Variants in BEST3 observed in about 807,000 individuals in gnomAD.
The protein encoded by BEST3 is bestrophin-3.
BEST3 carries 50 observed loss-of-function variants against 47.1 expected under a neutral mutation model. The ratio of observed to expected loss-of-function variants is 1.06; its 90% CI spans 0.85 to 1.34. BEST3 has a LOEUF of 1.34. Among genes scored for constraint, BEST3 ranks in the 40% most tolerant of loss-of-function variants. The pLI is 0.00. For synonymous variants in BEST3, 282 were observed against 298.8 expected (o/e 0.94, Z 0.58); for missense variants, 765 against 817.0 (o/e 0.94, Z 0.78).
At chr12:69,671,360 A>G in intron 9 of BEST3, 68 bp downstream of exon 9, 4 of 1,221,920 alleles carry the variant, frequency 3.3e-6, no homozygotes, top group Admixed American at 2.7e-5. Context: ...TTTTTTTTTT[A>G]TAGAGACAAG....
chr12:69,656,573 T>C (rs772071496), intron 9 of BEST3, among the ~76,000 whole-genome samples: 4 of 152,118 alleles, frequency 2.6e-5, no homozygotes, highest in Non-Finnish European at 5.9e-5. Context: ...TCCTATGCAT[T>C]GATTCATTTA....
intron 9 of BEST3, chr12:69,670,408 C>A: frequency 2.9e-6 from 2 of 701,314 alleles, no homozygotes; most frequent in South Asian, 1.5e-5. Flanking sequence ...GCTCCTAAAT[C>A]GTTCTCATTA....
intron 4 of BEST3, among the ~76,000 whole-genome samples, chr12:69,686,390 G>A (rs1471793242): frequency 2.0e-5 from 3 of 152,152 alleles, no homozygotes; most frequent in African/African-American, 7.2e-5. Flanking sequence ...AGAAAAGCTT[G>A]CTTGTTTGAA....
intron 4 of BEST3, among the ~76,000 whole-genome samples, chr12:69,685,409 C>T (rs1031390440): frequency 2.6e-5 from 4 of 152,132 alleles, no homozygotes; most frequent in Non-Finnish European, 4.4e-5. Flanking sequence ...CAGATGAAAT[C>T]GGAGGAATTA....
chr12:69,693,550 C>T (rs1886010413), intron 4 of BEST3, 124 bp downstream of exon 4: 5 of 829,706 alleles, frequency 6.0e-6, no homozygotes, highest in Non-Finnish European at 7.5e-6. Flanking sequence ...CAGGCATGAG[C>T]CACCGCGCCC....
intron 9 of BEST3, chr12:69,660,105 T>C (rs1883783551): frequency 6.6e-6 from 1 of 152,208 alleles, no homozygotes; most frequent in African/African-American, 2.4e-5. Flanking sequence ...CTTTGGGGAC[T>C]CATTTAATCT....
intron 9 of BEST3, among the ~76,000 whole-genome samples, chr12:69,647,213 C>T (rs1220773737): frequency 2.6e-5 from 4 of 152,240 alleles, no homozygotes; most frequent in African/African-American, 4.8e-5. Flanking sequence ...TCTGAATTTG[C>T]TCCTGCCTTC....
Position 69,654,849 on chromosome 12 carries a change from G to A in BEST3, c.*58C>T. Reference sequence around the variant, plus strand: ...TTCAGGTATGTCCTGGGCCTAATATGCTGCTTTTGGGGAGGTAAGAATCTA... The same window carrying A: ...TTCAGGTATGTCCTGGGCCTAATATACTGCTTTTGGGGAGGTAAGAATCTA... On this transcript the variant is annotated 3_prime_UTR_variant, in exon 10 of 10. Transcript: ENST00000330891. 1 of 1,551,692 alleles carries A rather than the reference G, an allele frequency of 6.4e-7. No individual in the cohort carries two copies. The highest frequency in any genetic ancestry group is 1.4e-5 in the African/African-American group (1 of 72,752).
At chr12:69,676,851 AG>A in intron 7 of BEST3, 64 bp downstream of exon 7, 1 of 1,503,982 alleles carries the variant, frequency 6.6e-7, no homozygotes, top group East Asian at 2.3e-5. Context: ...GACTCAGTAA[AG>A]GATTAGTGTG....
At chr12:69,679,025 C>T in intron 4 of BEST3, 132 bp from the exon 5 acceptor site, 1 of 782,286 alleles carries the variant, frequency 1.3e-6, no homozygotes, top group Non-Finnish European at 2.0e-6. Flanking sequence ...CTTCCTGTCT[C>T]AAGTAGTTTA....
chr12:69,696,441 C>T (rs543132154), intron 2 of BEST3, among the ~76,000 whole-genome samples: 23 of 152,200 alleles, frequency 1.5e-4, no homozygotes, highest in South Asian at 1.5e-3. Context: ...ATAATTATCA[C>T]GAAACACCAT....
chr12:69,664,719 TA>T (rs1254921440), intron 9 of BEST3, among the ~76,000 whole-genome samples: 3 of 147,962 alleles, frequency 2.0e-5, no homozygotes, highest in South Asian at 4.2e-4. Flanking sequence ...ATATATAATA[TA>T]AAAAATCAAG....
At chr12:69,669,325 G>A (rs1021901807) in intron 9 of BEST3, among the ~76,000 whole-genome samples, 20 of 152,088 alleles carry the variant, frequency 1.3e-4, no homozygotes, top group Admixed American at 5.9e-4. Flanking sequence ...TTGCCTAATT[G>A]TTTCTTTGAA....
chr12:69,673,065 A>C, intron 7 of BEST3, 100 bp from the exon 8 acceptor site: 1 of 853,896 alleles, frequency 1.2e-6, no homozygotes, highest in East Asian at 2.5e-5. Flanking sequence ...TCCTTGTGTG[A>C]CTTTCTAATA....
At position 69,668,807 on chromosome 12, in the gene BEST3, G is replaced by A. The variant is rs548316482; in HGVS notation, c.1100+2621C>T. ...AGCTCAGAAATGGATATGTGAGCCC[G>A]AGCCCAGTCAGTCATAGCAAATCCA... On this transcript the variant is annotated intron_variant, in intron 9 of 9. Coordinates refer to ENST00000330891, the MANE Select transcript of BEST3 (RefSeq NM_032735.3). Among the ~76,000 whole-genome samples the A allele has an allele frequency of 1.1e-4, 16 of 152,230 alleles. No individual in the cohort carries two copies. In the South Asian group the frequency reaches 2.9e-3, roughly 28 times the overall value.
At chr12:69,688,119 C>A (rs1885737738) in intron 4 of BEST3, among the ~76,000 whole-genome samples, 1 of 152,188 alleles carries the variant, frequency 6.6e-6, no homozygotes, top group Non-Finnish European at 1.5e-5. Flanking sequence ...ACTTTCCTCT[C>A]CTGATGCTTG....
intron 2 of BEST3, among the ~76,000 whole-genome samples, chr12:69,697,079 A>G (rs1886158017): frequency 6.6e-6 from 1 of 152,284 alleles, no homozygotes; most frequent in South Asian, 2.1e-4. Context: ...AACATAATAT[A>G]CCCTCAACTC....
At chr12:69,698,120 C>T (rs1436820819) in intron 1 of BEST3, among the ~76,000 whole-genome samples, 1 of 152,166 alleles carries the variant, frequency 6.6e-6, no homozygotes, top group African/African-American at 2.4e-5. Context: ...ATGAGACAAA[C>T]AAGGCCCTCG....
intron 8 of BEST3, 38 bp downstream of exon 8, chr12:69,672,847 T>C (rs1192083252): frequency 7.0e-7 from 1 of 1,433,028 alleles, no homozygotes; most frequent in East Asian, 2.3e-5. Context: ...AAGTGATTTA[T>C]TATTAACATT....
Sources: gnomAD v4.1 joint callset for allele counts (sites outside exome capture counted in the v4.1 genomes callset) on GRCh38, gnomAD v4.1.1 for gene constraint, MANE v1.5 for transcripts, NCBI Gene and HGNC (gene_info 2026-07-23, HGNC 2026-07-21) for gene names.